PAM16: variants seen among roughly 807,000 people sequenced by gnomAD.
The protein encoded by PAM16 is mitochondrial import inner membrane translocase subunit TIM16.
In PAM16, 11 loss-of-function variants were observed where a neutral mutation model predicts 17.9. That is an observed-to-expected ratio of 0.62 (90% CI 0.39 to 1.02). The LOEUF (loss-of-function observed/expected upper bound fraction) is 1.02. Ranked by LOEUF, PAM16 falls within the 50% of genes least tolerant of loss-of-function variation. The pLI is 0.01. For missense variants in PAM16, 199 were observed against 165.4 expected (o/e 1.20, Z -1.11); for synonymous variants, 72 against 67.4 (o/e 1.07, Z -0.34).
rs781106728 is a variant in PAM16 at position 4,341,554 on chromosome 16, C to T, written c.89-50G>A. 5 of 1,548,428 alleles carry T rather than the reference C, an allele frequency of 3.2e-6. No homozygotes were observed. The African/African-American group carries it at 4.1e-5, about 13-fold the overall frequency. On this transcript the variant is annotated intron_variant, in intron 2 of 4. Transcript: ENST00000318059. ...TCAGTCCTCAGCAGCCCACACTTCA[C>T]CCTGGGCCTTCCGAGTTGGTGGCTC...
intron 1 of PAM16, among the ~76,000 whole-genome samples, chr16:4,348,913 G>C (rs916678087): frequency 1.3e-5 from 2 of 150,328 alleles, no homozygotes; most frequent in Non-Finnish European, 3.0e-5. Context: ...CAAAGTGCTG[G>C]GATTACAGGC....
chr16:4,341,681 G>C, intron 2 of PAM16, 177 bp from the exon 3 acceptor site: 1 of 1,102,056 alleles, frequency 9.1e-7, no homozygotes, highest in South Asian at 1.6e-5. Flanking sequence ...GGCTGGGAAA[G>C]TGAGGACAGA....
intron 2 of PAM16, 108 bp downstream of exon 2, chr16:4,343,099 A>T: frequency 1.4e-6 from 2 of 1,444,540 alleles, no homozygotes; most frequent in East Asian, 2.4e-5. Context: ...GAAGTGCCTC[A>T]GGCCACGCAC....
chr16:4,340,833 G>A, intron 4 of PAM16, 87 bp downstream of exon 4: 2 of 1,531,564 alleles, frequency 1.3e-6, no homozygotes, highest in South Asian at 2.2e-5. Context: ...GCCCTTAGCT[G>A]GCCAGCTCCC....
In PAM16 at chr16:4,343,248, A is replaced by G. The variant is rs757446733; in HGVS notation, c.47T>C (p.Val16Ala). The change falls in exon 2 of 5, where the codon GTG becomes GCG. Residue 16 changes from valine to alanine, a missense_variant. Transcript: ENST00000318059. ...CAAGGCCCGTGCAAAGGCCCTGCCC[A>G]CCACCTGCACGCCCATCACAATGAT... The part of the protein sequence containing the change: ...AQIIVMGVQV[V>A]GRAFARALRQ... 65 of 1,612,650 alleles carry G rather than the reference A, an allele frequency of 4.0e-5. No individual in the cohort carries two copies. Among genetic ancestry groups the G allele is most frequent in the Non-Finnish European group, 5.4e-5 (64 of 1,179,960 alleles).
At chr16:4,344,096 A>T (rs1237703901) in intron 1 of PAM16, 1 of 397,378 alleles carries the variant, frequency 2.5e-6, no homozygotes, top group Non-Finnish European at 4.4e-6. Context: ...GTGTGATTCC[A>T]TGCCCCGCAG....
chr16:4,340,856 T>A, intron 4 of PAM16, 64 bp downstream of exon 4: 2 of 1,594,218 alleles, frequency 1.3e-6, no homozygotes, highest in Non-Finnish European at 1.7e-6. Flanking sequence ...AACTAGGAAT[T>A]GAGCCCCAGG....
chr16:4,351,307 G>A lies in PAM16; in HGVS notation c.-73C>T, dbSNP rs780891945. ...CGGCCGGGGATCAAGCGTGGTCGGC[G>A]GGTCAGAGGTCAAGGAAAGCCGCAG... is the stretch of plus-strand genomic sequence containing the variant. On this transcript the variant is annotated 5_prime_UTR_variant, in exon 1 of 5. Coordinates refer to ENST00000318059, the MANE Select transcript of PAM16 (RefSeq NM_016069.11). 4.0e-6 allele frequency: 5 copies of A among 1,244,106 alleles called. No individual in the cohort carries two copies. Among genetic ancestry groups the A allele is most frequent in the East Asian group, 5.6e-5 (2 of 35,714 alleles). The allele number at this position is 1,244,106 out of a possible 1,614,324, so 77.1% of individuals were successfully genotyped here. A position where few individuals can be genotyped will look rare whatever the true frequency, so the allele number is the denominator to read the frequency against.
chr16:4,351,267 G>C lies in PAM16; in HGVS notation c.-33C>G, dbSNP rs757573600. ...GCTCTGCCTCCGGGGCTCAAACTCC[G>C]ACTTCCTGGCCCCGCGGCCGGGGAT... On this transcript the variant is annotated 5_prime_UTR_variant, in exon 1 of 5. Coordinates refer to ENST00000318059, the MANE Select transcript of PAM16 (RefSeq NM_016069.11). 1 of 1,461,338 alleles carries C rather than the reference G, an allele frequency of 6.8e-7. No individual in the cohort carries two copies. The highest frequency in any genetic ancestry group is 9.1e-7 in the Non-Finnish European group (1 of 1,098,504). The allele number at this position is 1,461,338 out of a possible 1,614,324, so 90.5% of individuals were successfully genotyped here. A position where few individuals can be genotyped will look rare whatever the true frequency, so the allele number is the denominator to read the frequency against.
chr16:4,344,810 G>A, intron 1 of PAM16, among the ~76,000 whole-genome samples: 1 of 151,720 alleles, frequency 6.6e-6, no homozygotes, highest in Non-Finnish European at 1.5e-5. Flanking sequence ...TGTGAGAGGA[G>A]GGGATTGTGT....
intron 1 of PAM16, among the ~76,000 whole-genome samples, chr16:4,349,841 T>G (rs1047768292): frequency 6.6e-6 from 1 of 152,136 alleles, no homozygotes; most frequent in Non-Finnish European, 1.5e-5. Context: ...CACCATGGGA[T>G]GCATGACTAT....
At chr16:4,350,343 A>T (rs1596257017) in intron 1 of PAM16, among the ~76,000 whole-genome samples, 1 of 149,474 alleles carries the variant, frequency 6.7e-6, no homozygotes, top group Non-Finnish European at 1.5e-5. Flanking sequence ...GATATATAAA[A>T]ATATATATAA....
rs193280318 is a variant in PAM16, at chr16:4,341,222, C to T, written c.225+146G>A. 2.7e-4 allele frequency: 373 copies of T among 1,371,830 alleles called. 3 individuals carry two copies. In the East Asian group the frequency reaches 7.4e-3, roughly 27 times the overall value. The allele number at this position is 1,371,830 out of a possible 1,614,324, so 85.0% of individuals were successfully genotyped here. The stretch of plus-strand genomic sequence containing the variant: ...GTCCTGCCTCAGGCCTAAAACTTCA[C>T]GAGCAACAGTGGCTCCCGAAAGTTG... On this transcript the variant is annotated intron_variant, in intron 3 of 4. Transcript: ENST00000318059.
chr16:4,349,013 A>G (rs1450291969), intron 1 of PAM16, among the ~76,000 whole-genome samples: 1 of 129,954 alleles, frequency 7.7e-6, no homozygotes, highest in East Asian at 2.3e-4. Context: ...GGAGTGCAGT[A>G]GCGCGACCTT....
At chr16:4,343,847 C>A in intron 1 of PAM16, 1 of 400,156 alleles carries the variant, frequency 2.5e-6, no homozygotes, top group Non-Finnish European at 4.4e-6. Flanking sequence ...GAGCTAAAAG[C>A]CCACTAGGAG....
At chr16:4,344,888 T>TGC (rs2053729047) in intron 1 of PAM16, among the ~76,000 whole-genome samples, 3 of 151,410 alleles carry the variant, frequency 2.0e-5, no homozygotes, top group Admixed American at 2.0e-4. Flanking sequence ...GGCTGGGCTT[T>TGC]GCAGGGTAGG....
chr16:4,340,861 C>T lies in PAM16; in HGVS notation c.291+59G>A. The T allele has an allele frequency of 3.7e-6, 6 of 1,601,538 alleles. No individual in the cohort carries two copies. In the South Asian group the frequency reaches 5.5e-5, roughly 15 times the overall value. ...CAGCTCCCCCAACTAGGAATTGAGC[C>T]CCAGGTGAGAAGAAGGGGTCCCATG... On this transcript the variant is annotated intron_variant, in intron 4 of 4. Transcript: ENST00000318059.
chr16:4,341,659 T>A, intron 2 of PAM16, 155 bp from the exon 3 acceptor site: 2 of 1,300,012 alleles, frequency 1.5e-6, no homozygotes, highest in South Asian at 3.0e-5. Flanking sequence ...GGTTTCCTTT[T>A]TAGGGGGTAG....
At chr16:4,343,400 G>A in intron 1 of PAM16, 109 bp from the exon 2 acceptor site, 16 of 1,492,980 alleles carry the variant, frequency 1.1e-5, no homozygotes, top group Non-Finnish European at 1.4e-5. Flanking sequence ...CCGAGGTCAT[G>A]AAGCACAGAG....
Sources: allele counts gnomAD v4.1 joint callset (sites outside exome capture counted in the v4.1 genomes callset), GRCh38; gene constraint gnomAD v4.1.1; transcripts MANE v1.5; gene names NCBI Gene and HGNC (gene_info 2026-07-23, HGNC 2026-07-21).